The following CADPS variants were observed in gnomAD, a reference collection of about 807,000 sequenced individuals.
The protein encoded by CADPS is calcium-dependent secretion activator 1.
CADPS carries 57 observed loss-of-function variants against 167.3 expected under a neutral mutation model. The observed-to-expected ratio is 0.34, with a 90% CI of 0.28 to 0.42. The LOEUF (loss-of-function observed/expected upper bound fraction) is 0.42, where lower values mean the gene tolerates loss of function less well. CADPS is among the 20% of genes least tolerant of loss of function. The pLI, the probability that CADPS is intolerant of heterozygous loss-of-function variation, is 1.00. For missense variants in CADPS, 1,414 were observed against 1,738.1 expected (o/e 0.81, Z 3.32); for synonymous variants, 676 against 635.3 (o/e 1.06, Z -0.96).
At chr3:62,868,135 G>A (rs746580332) in intron 1 of CADPS, among the ~76,000 whole-genome samples, 4 of 151,988 alleles carry the variant, frequency 2.6e-5, no homozygotes, top group Non-Finnish European at 4.4e-5. Context: ...TAATAATTTT[G>A]ATCATCGGCC....
At chr3:62,829,355 A>T (rs2074647045) in intron 1 of CADPS, among the ~76,000 whole-genome samples, 1 of 152,212 alleles carries the variant, frequency 6.6e-6, no homozygotes, top group African/African-American at 2.4e-5. Flanking sequence ...TTTAAATTAT[A>T]TGAGAGGCTA....
intron 1 of CADPS, among the ~76,000 whole-genome samples, chr3:62,858,484 G>T (rs2080130270): frequency 6.6e-6 from 1 of 152,086 alleles, no homozygotes. Flanking sequence ...GCTGTGTGTT[G>T]ATGGGTCTGA....
intron 13 of CADPS, among the ~76,000 whole-genome samples, chr3:62,527,074 A>T (rs2072447738): frequency 6.6e-6 from 1 of 152,198 alleles, no homozygotes; most frequent in South Asian, 2.1e-4. Flanking sequence ...TGAGGATGCC[A>T]CCTAGTACTC....
chr3:62,475,678 A>G (rs987067432), intron 23 of CADPS, among the ~76,000 whole-genome samples: 1 of 150,468 alleles, frequency 6.6e-6, no homozygotes, highest in Non-Finnish European at 1.5e-5. Flanking sequence ...AGATAAATGT[A>G]TCTTGGCTTC....
intron 3 of CADPS, among the ~76,000 whole-genome samples, chr3:62,742,689 GCAATAC>G (rs895264560): frequency 1.3e-5 from 2 of 152,058 alleles, no homozygotes; most frequent in African/African-American, 4.8e-5. Context: ...GACAACCTAG[GCAATAC>G]CATTCAGGAC....
chr3:62,641,954 C>A (rs574268090), intron 6 of CADPS, among the ~76,000 whole-genome samples: 1 of 151,938 alleles, frequency 6.6e-6, no homozygotes, highest in East Asian at 1.9e-4. Flanking sequence ...TCCAATATGA[C>A]GATGCTGAGC....
chr3:62,794,196 C>T (rs1331547801), intron 1 of CADPS, among the ~76,000 whole-genome samples: 1 of 152,130 alleles, frequency 6.6e-6, no homozygotes, highest in Non-Finnish European at 1.5e-5. Flanking sequence ...AACCATGAAA[C>T]CTTGGCACAT....
chr3:62,511,851 T>C (rs2067913276), intron 17 of CADPS, among the ~76,000 whole-genome samples: 1 of 152,182 alleles, frequency 6.6e-6, no homozygotes, highest in Non-Finnish European at 1.5e-5. Flanking sequence ...CTTTTAACAC[T>C]GTACCTGCTA....
At chr3:62,510,274 T>C (rs1292816448) in intron 17 of CADPS, among the ~76,000 whole-genome samples, 2 of 152,096 alleles carry the variant, frequency 1.3e-5, no homozygotes, top group African/African-American at 4.8e-5. Flanking sequence ...GCTGTCTGTC[T>C]ACAAATCATC....
At chr3:62,732,828 G>A (rs533727909) in intron 3 of CADPS, among the ~76,000 whole-genome samples, 1 of 152,178 alleles carries the variant, frequency 6.6e-6, no homozygotes, top group African/African-American at 2.4e-5. Context: ...ATAATACTCT[G>A]TCAGGCAGTC....
At chr3:62,606,179 T>A (rs1437213363) in intron 6 of CADPS, among the ~76,000 whole-genome samples, 2 of 152,168 alleles carry the variant, frequency 1.3e-5, no homozygotes, top group African/African-American at 4.8e-5. Flanking sequence ...GATGTTGGAT[T>A]TGTTCATGCG....
intron 3 of CADPS, among the ~76,000 whole-genome samples, chr3:62,705,008 T>C (rs946009931): frequency 1.3e-5 from 2 of 152,086 alleles, no homozygotes; most frequent in Non-Finnish European, 2.9e-5. Context: ...AAGCCCACCA[T>C]ACCTGCACCT....
chr3:62,873,634 T>TTA (rs1553805371), intron 1 of CADPS, among the ~76,000 whole-genome samples: 1 of 149,984 alleles, frequency 6.7e-6, no homozygotes, highest in Non-Finnish European at 1.5e-5. Context: ...TTTTTTTTTT[T>TTA]AACATCAAAG....
Position 62,687,306 on chromosome 3 carries a change from T to C in CADPS, c.889-24912A>G, listed in dbSNP as rs187132366. On this transcript the variant is annotated intron_variant, in intron 3 of 29. Coordinates refer to ENST00000383710, the MANE Select transcript of CADPS (RefSeq NM_003716.4). The stretch of plus-strand genomic sequence containing the variant: ...GAAAACTGCCTTCAACATCAGATCA[T>C]AGGTTTGTAAGTTCACGATGACCAC... Among the ~76,000 whole-genome samples, 12 of 152,186 alleles carry C rather than the reference T, an allele frequency of 7.9e-5. 1 individual carries two copies. The highest frequency in any genetic ancestry group is 6.5e-4 in the Admixed American group (10 of 15,276).
rs1272719291 is a variant in CADPS at position 62,764,684 on chromosome 3, C to T, written c.555+1187G>A. Among the ~76,000 whole-genome samples, 5 of 152,184 alleles carry T rather than the reference C, an allele frequency of 3.3e-5. No homozygotes were observed. In the East Asian group the frequency reaches 9.6e-4, roughly 29 times the overall value. ...TATCAGGATTTTGCCTCTACCGAGG[C>T]TTCAATCAATTAACATATTGAAAGC... On this transcript the variant is annotated intron_variant, in intron 2 of 29. Coordinates refer to ENST00000383710, the MANE Select transcript of CADPS (RefSeq NM_003716.4).
intron 5 of CADPS, among the ~76,000 whole-genome samples, chr3:62,649,272 T>C (rs2150151523): frequency 1.3e-5 from 2 of 152,272 alleles, no homozygotes; most frequent in South Asian, 4.1e-4. Flanking sequence ...GGCTGCATCC[T>C]GTCTAGAATT....
chr3:62,804,534 T>C (rs754784919), intron 1 of CADPS, among the ~76,000 whole-genome samples: 8 of 152,148 alleles, frequency 5.3e-5, no homozygotes, highest in Non-Finnish European at 1.2e-4. Flanking sequence ...TCACTAGCTT[T>C]ATGAATTTAT....
At chr3:62,834,196 C>T (rs193030934) in intron 1 of CADPS, among the ~76,000 whole-genome samples, 100 of 152,250 alleles carry the variant, frequency 6.6e-4, no homozygotes, top group African/African-American at 2.4e-3. Flanking sequence ...TGAAGAGGTG[C>T]TCTTCTAGAC....
At position 62,571,800 on chromosome 3, in the gene CADPS, T is replaced by G. The variant is rs183408226; in HGVS notation, c.1578-862A>C. ...GCTGGTCTCGAACTCCCAACCTCAG[T>G]TGATCCACCCGCCTTGGCCTCCCAA... On this transcript the variant is annotated intron_variant, in intron 8 of 29. Transcript: ENST00000383710. Among the ~76,000 whole-genome samples, 9 of 152,184 alleles carry G rather than the reference T, an allele frequency of 5.9e-5. No homozygotes were observed. The East Asian group carries it at 1.5e-3, about 26-fold the overall frequency.
Sources: gnomAD v4.1 joint callset for allele counts (sites outside exome capture counted in the v4.1 genomes callset) on GRCh38, gnomAD v4.1.1 for gene constraint, MANE v1.5 for transcripts, NCBI Gene and HGNC (gene_info 2026-07-23, HGNC 2026-07-21) for gene names.